Variants in IGSF10 observed in about 807,000 individuals in gnomAD.
IGSF10 encodes the protein immunoglobulin superfamily member 10.
Under a neutral mutation model 128.2 loss-of-function variants are expected in IGSF10, and 126 were observed. That is an observed-to-expected ratio of 0.98 (90% CI 0.85 to 1.14). The LOEUF (loss-of-function observed/expected upper bound fraction) is 1.14. IGSF10 is among the 50% of genes most tolerant of loss of function. The pLI, the probability that IGSF10 is intolerant of heterozygous loss-of-function variation, is 0.00. For synonymous variants in IGSF10, 1,185 were observed against 1,146.2 expected (o/e 1.03, Z -0.68); for missense variants, 3,295 against 3,149.8 (o/e 1.05, Z -1.10).
chr3:151,475,848 C>A, the IGSF10 span: 1 of 159,494 alleles, frequency 6.3e-6, no homozygotes, highest in South Asian at 1.9e-4. Flanking sequence ...AGTCCTTGCT[C>A]AAGGTGTTCA....
At chr3:151,432,694 T>C, downstream of IGSF10, 1 of 1,259,320 alleles carries the variant, frequency 7.9e-7, no homozygotes, top group Non-Finnish European at 1.2e-6. Flanking sequence ...GAGGGTAGCA[T>C]CCATCTGTGC....
At chr3:151,570,466 T>G in the IGSF10 span, among the ~76,000 whole-genome samples, 1 of 152,256 alleles carries the variant, frequency 6.6e-6, no homozygotes, top group African/African-American at 2.4e-5. Flanking sequence ...GGTTTTGATT[T>G]GCATTTCTCT....
the IGSF10 span, among the ~76,000 whole-genome samples, chr3:151,573,150 T>C: frequency 7.9e-5 from 12 of 152,182 alleles, no homozygotes; most frequent in African/African-American, 2.7e-4. Flanking sequence ...TACTTCCAAC[T>C]ATGTGGTCAA....
chr3:151,434,891 T>TATC (rs1024852904), downstream of IGSF10: 3 of 152,170 alleles, frequency 2.0e-5, no homozygotes, highest in African/African-American at 7.2e-5. Context: ...CTGTGGGGCA[T>TATC]ATCTTTTTTC....
the IGSF10 span, among the ~76,000 whole-genome samples, chr3:151,489,550 T>G: frequency 9.5e-4 from 144 of 152,120 alleles, no homozygotes; most frequent in African/African-American, 3.3e-3. Context: ...CTATTCAAAA[T>G]AGCAAAGACT....
chr3:151,448,125 G>A lies in IGSF10; in HGVS notation c.1856C>T (p.Ser619Leu). ...ATTGTTTAGAACTTTCTTGTCTCTT[G>A]ATGACTGATAGAGCACATTGTTTCC... ...IPGNNVLYQS[S>L]RDKKVLNNGT... The change falls in exon 6 of 8, where the codon TCA becomes TTA. Residue 619 changes from serine (S) to leucine (L), a missense_variant. By Grantham distance (145) the Ser-to-Leu change is moderately radical. Transcript: ENST00000282466. The A allele has an allele frequency of 1.2e-6, 2 of 1,614,080 alleles. No individual in the cohort carries two copies. Among genetic ancestry groups the A allele is most frequent in the Non-Finnish European group, 1.7e-6 (2 of 1,179,964 alleles).
chr3:151,439,208 A>G (rs1720682584), intron 7 of IGSF10, among the ~76,000 whole-genome samples: 1 of 152,210 alleles, frequency 6.6e-6, no homozygotes, highest in Non-Finnish European at 1.5e-5. Flanking sequence ...ATCCACAAAC[A>G]TGGTGATTTT....
At chr3:151,484,207 A>G in the IGSF10 span, among the ~76,000 whole-genome samples, 2 of 152,188 alleles carry the variant, frequency 1.3e-5, no homozygotes, top group Non-Finnish European at 2.9e-5. Context: ...GGCAGAGCCC[A>G]CTGCAGCTCA....
the IGSF10 span, among the ~76,000 whole-genome samples, chr3:151,517,251 C>A: frequency 6.6e-6 from 1 of 151,916 alleles, no homozygotes; most frequent in African/African-American, 2.4e-5. Context: ...TCTTGTTGAC[C>A]ATGGAGAAAT....
At chr3:151,596,173 A>G in the IGSF10 span, among the ~76,000 whole-genome samples, 2 of 152,176 alleles carry the variant, frequency 1.3e-5, no homozygotes, top group African/African-American at 2.4e-5. Context: ...TGACAATTAG[A>G]TTGCTACTGT....
chr3:151,563,591 A>G, the IGSF10 span, among the ~76,000 whole-genome samples: 11 of 152,156 alleles, frequency 7.2e-5, no homozygotes, highest in African/African-American at 2.4e-4. Context: ...TGTTAGAATT[A>G]TATCCAAGTG....
the IGSF10 span, among the ~76,000 whole-genome samples, chr3:151,478,093 C>T: frequency 3.3e-5 from 5 of 152,180 alleles, no homozygotes; most frequent in Non-Finnish European, 4.4e-5. Flanking sequence ...GGGCTGCCTG[C>T]CCCCACACCC....
chr3:151,610,227 G>A, the IGSF10 span, among the ~76,000 whole-genome samples: 1 of 152,130 alleles, frequency 6.6e-6, no homozygotes, highest in Non-Finnish European at 1.5e-5. Context: ...CTACATATCT[G>A]ATATCTAACT....
chr3:151,542,361 G>A, the IGSF10 span, among the ~76,000 whole-genome samples: 1 of 151,944 alleles, frequency 6.6e-6, no homozygotes, highest in Non-Finnish European at 1.5e-5. Flanking sequence ...AACATAAGTA[G>A]AATTCATTCA....
chr3:151,519,624 C>A, the IGSF10 span, among the ~76,000 whole-genome samples: 1 of 151,766 alleles, frequency 6.6e-6, no homozygotes, highest in Non-Finnish European at 1.5e-5. Context: ...GGGCTGCCTG[C>A]AGAATGATAA....
At chr3:151,525,566 T>C in the IGSF10 span, among the ~76,000 whole-genome samples, 1 of 152,168 alleles carries the variant, frequency 6.6e-6, no homozygotes, top group Non-Finnish European at 1.5e-5. Context: ...AGCTGCATTC[T>C]TACCTGAGGG....
At chr3:151,433,137 T>C (rs1719715193), downstream of IGSF10, 1 of 213,754 alleles carries the variant, frequency 4.7e-6, no homozygotes, top group South Asian at 1.1e-4. Context: ...TTATGATGGA[T>C]CTAAGGTATT....
rs769182498 is a variant in IGSF10 at position 151,445,855 on chromosome 3, G to A, written c.4126C>T (p.Pro1376Ser). The A allele has an allele frequency of 3.1e-6, 5 of 1,614,198 alleles. No homozygotes were observed. The highest frequency in any genetic ancestry group is 4.2e-6 in the Non-Finnish European group (5 of 1,180,028). ...GTTTCGGCTGTGGTTAGAACAGGAG[G>A]TGTCATAGCAGTGGGTGTAGTGAAG... ...SGFTTPTAMT[P>S]PVLTTAETSV... Residue 1376 changes from proline to serine, a missense_variant, in exon 6 of 8, where the codon CCT becomes TCT. Physicochemically the swap from Pro to Ser is moderately conservative, Grantham distance 74. Coordinates refer to ENST00000282466, the MANE Select transcript of IGSF10 (RefSeq NM_178822.5).
chr3:151,564,773 G>A, the IGSF10 span, among the ~76,000 whole-genome samples: 12 of 152,242 alleles, frequency 7.9e-5, no homozygotes, highest in East Asian at 1.9e-3. Flanking sequence ...AATGACATGT[G>A]AGTTACCGGT....
Sources: gnomAD v4.1 joint callset for allele counts (sites outside exome capture counted in the v4.1 genomes callset) on GRCh38, gnomAD v4.1.1 for gene constraint, MANE v1.5 for transcripts, NCBI Gene and HGNC (gene_info 2026-07-23, HGNC 2026-07-21) for gene names.